The following KCNIP4 variants were observed in gnomAD, a reference collection of about 807,000 sequenced individuals.
KCNIP4 encodes the protein Kv channel-interacting protein 4.
Under a neutral mutation model 34.0 loss-of-function variants are expected in KCNIP4, and 12 were observed. The ratio of observed to expected loss-of-function variants is 0.35; its 90% confidence interval spans 0.23 to 0.57. The LOEUF (loss-of-function observed/expected upper bound fraction) is 0.57, where lower values mean the gene tolerates loss of function less well. KCNIP4 is among the 20% of genes least tolerant of loss of function. The probability of loss-of-function intolerance (pLI) is 0.83; values close to 1 mark genes in which losing one functional copy is unlikely to be tolerated. For synonymous variants in KCNIP4, 124 were observed against 102.2 expected, an observed-to-expected ratio of 1.21 and a Z score of -1.29; for missense variants, 238 against 311.7, an observed-to-expected ratio of 0.76 and a Z score of 1.78.
chr4:21,587,715 G>C (rs1741747711), intron 1 of KCNIP4, among the ~76,000 whole-genome samples: 1 of 152,054 alleles, frequency 6.6e-6, no homozygotes, highest in Non-Finnish European at 1.5e-5. Context: ...GAATGACCAA[G>C]AGAACCATTG....
At chr4:21,024,724 T>C (rs997673035) in intron 1 of KCNIP4, among the ~76,000 whole-genome samples, 8 of 152,234 alleles carry the variant, frequency 5.3e-5, no homozygotes, top group African/African-American at 1.9e-4. Flanking sequence ...CTCCGCCCGC[T>C]GACATTTAGT....
intron 1 of KCNIP4, chr4:21,763,000 A>T: frequency 7.8e-7 from 1 of 1,288,896 alleles, no homozygotes; most frequent in Non-Finnish European, 1.0e-6. Context: ...CAAGGACAGC[A>T]CTTGGTACAC....
chr4:21,745,887 T>C (rs1383532753), intron 1 of KCNIP4, among the ~76,000 whole-genome samples: 1 of 152,052 alleles, frequency 6.6e-6, no homozygotes, highest in Non-Finnish European at 1.5e-5. Context: ...CCCTAATAAA[T>C]AAATAGGTAA....
chr4:21,266,832 G>A (rs73249531), intron 1 of KCNIP4, among the ~76,000 whole-genome samples: 1 of 152,120 alleles, frequency 6.6e-6, no homozygotes, highest in East Asian at 1.9e-4. Context: ...ATAGGGGAGA[G>A]TGATGCAATC....
chr4:21,351,765 T>C, intron 1 of KCNIP4, among the ~76,000 whole-genome samples: 1 of 152,108 alleles, frequency 6.6e-6, no homozygotes, highest in Non-Finnish European at 1.5e-5. Flanking sequence ...AATATGAGAT[T>C]ATGACCATCT....
At chr4:21,699,026 A>G (rs866779734) in intron 1 of KCNIP4, among the ~76,000 whole-genome samples, 2 of 152,216 alleles carry the variant, frequency 1.3e-5, no homozygotes, top group Non-Finnish European at 2.9e-5. Flanking sequence ...AGACTCATAC[A>G]CAAAAATCAG....
At position 21,558,254 on chromosome 4, in the gene KCNIP4, G is replaced by T. The variant is rs1182282648; in HGVS notation, c.61+390317C>A. Among the ~76,000 whole-genome samples, 5 of 152,260 alleles carry T rather than the reference G, an allele frequency of 3.3e-5. No homozygotes were observed. In the East Asian group the frequency reaches 7.8e-4, roughly 24 times the overall value. ...CGCCTGTAATCCCAGCACTTTGGGA[G>T]GCCAAGGTAGGTGGATCACTTGAGG... On this transcript the variant is annotated intron_variant, in intron 1 of 8. Coordinates refer to ENST00000382152, the MANE Select transcript of KCNIP4 (RefSeq NM_025221.6).
At chr4:21,005,865 T>C (rs935083767) in intron 1 of KCNIP4, among the ~76,000 whole-genome samples, 2 of 152,186 alleles carry the variant, frequency 1.3e-5, no homozygotes, top group Non-Finnish European at 2.9e-5. Flanking sequence ...TATTACGCAA[T>C]TATTTTTATC....
intron 1 of KCNIP4, among the ~76,000 whole-genome samples, chr4:21,830,077 G>A (rs888286414): frequency 2.6e-5 from 4 of 152,120 alleles, no homozygotes; most frequent in African/African-American, 4.8e-5. Context: ...CAAAAGTTAA[G>A]TACATGCAGC....
rs529009061 is a variant in KCNIP4, at chr4:20,853,406, C to T, written c.164-2739G>A. ...AGAGTGGGGGAAAGGACACCCTTTT[C>T]AACAAATGGTGCTGGGATAATTGGC... On this transcript the variant is annotated intron_variant, in intron 2 of 8. Coordinates refer to ENST00000382152, the MANE Select transcript of KCNIP4 (RefSeq NM_025221.6). Among the ~76,000 whole-genome samples, 3 of 152,152 alleles carry T rather than the reference C, an allele frequency of 2.0e-5. No individual in the cohort carries two copies. The South Asian group carries it at 6.2e-4, about 32-fold the overall frequency.
intron 1 of KCNIP4, among the ~76,000 whole-genome samples, chr4:21,102,183 A>C (rs2109071844): frequency 6.6e-6 from 1 of 152,274 alleles, no homozygotes; most frequent in South Asian, 2.1e-4. Context: ...TATTTGGAAA[A>C]CATTAGAAAA....
intron 1 of KCNIP4, among the ~76,000 whole-genome samples, chr4:21,451,292 A>T (rs1033736233): frequency 6.6e-6 from 1 of 152,172 alleles, no homozygotes; most frequent in African/African-American, 2.4e-5. Context: ...GTGAAATGTC[A>T]GTGGTAAGAC....
intron 1 of KCNIP4, among the ~76,000 whole-genome samples, chr4:21,014,919 A>T (rs1232015767): frequency 6.6e-6 from 1 of 152,216 alleles, no homozygotes; most frequent in African/African-American, 2.4e-5. Context: ...ATACAATGGA[A>T]TATTATTTAG....
At chr4:21,184,378 T>G (rs923833139) in intron 1 of KCNIP4, among the ~76,000 whole-genome samples, 1 of 152,214 alleles carries the variant, frequency 6.6e-6, no homozygotes, top group African/African-American at 2.4e-5. Flanking sequence ...GCATCTAGCA[T>G]AGTGTTTTGC....
chr4:21,030,684 A>G (rs372560360), intron 1 of KCNIP4, among the ~76,000 whole-genome samples: 52 of 152,180 alleles, frequency 3.4e-4, no homozygotes, highest in African/African-American at 1.1e-3. Flanking sequence ...TTTTATCATC[A>G]TCATCATTAT....
At chr4:20,952,882 T>A (rs1002005735) in intron 1 of KCNIP4, among the ~76,000 whole-genome samples, 8 of 152,252 alleles carry the variant, frequency 5.3e-5, no homozygotes, top group African/African-American at 1.9e-4. Context: ...AGATTCTGTG[T>A]CTGGTAAGGA....
At chr4:21,017,473 C>A (rs532065671) in intron 1 of KCNIP4, among the ~76,000 whole-genome samples, 3 of 152,096 alleles carry the variant, frequency 2.0e-5, no homozygotes, top group East Asian at 1.9e-4. Context: ...TAGTTTGCTG[C>A]GGATAATGGC....
chr4:21,527,770 C>T (rs1736097145), intron 1 of KCNIP4, among the ~76,000 whole-genome samples: 1 of 152,078 alleles, frequency 6.6e-6, no homozygotes, highest in African/African-American at 2.4e-5. Context: ...GTAGGACAAT[C>T]ACATTAAATA....
intron 1 of KCNIP4, among the ~76,000 whole-genome samples, chr4:21,300,405 C>T (rs1346300760): frequency 6.6e-6 from 1 of 152,090 alleles, no homozygotes; most frequent in African/African-American, 2.4e-5. Context: ...ACACTGGCCA[C>T]AGGTATTGTG....
Sources: allele counts gnomAD v4.1 joint callset (sites outside exome capture counted in the v4.1 genomes callset), GRCh38; gene constraint gnomAD v4.1.1; transcripts MANE v1.5; gene names NCBI Gene and HGNC (gene_info 2026-07-23, HGNC 2026-07-21).